KLHL1: variants seen among roughly 807,000 people sequenced by gnomAD.
The protein encoded by KLHL1 is kelch like family member 1, also known as kelch-like protein 1.
KLHL1 carries 47 observed loss-of-function variants against 77.7 expected under a neutral mutation model. The ratio of observed to expected loss-of-function variants is 0.60; its 90% CI spans 0.48 to 0.77. The LOEUF (loss-of-function observed/expected upper bound fraction) is 0.77. KLHL1 is among the 30% of genes least tolerant of loss of function. The pLI is 0.00. For synonymous variants in KLHL1, 360 were observed against 325.2 expected, an observed-to-expected ratio of 1.11 and a Z score of -1.15; for missense variants, 925 against 910.8, an observed-to-expected ratio of 1.02 and a Z score of -0.20.
At chr13:70,068,383 T>C (rs1441534521) in intron 1 of KLHL1, among the ~76,000 whole-genome samples, 2 of 151,070 alleles carry the variant, frequency 1.3e-5, no homozygotes, top group Non-Finnish European at 2.9e-5. Flanking sequence ...AAAAAAAGGA[T>C]TTTTAAAATT....
chr13:69,801,166 G>A (rs1877361313), intron 6 of KLHL1, among the ~76,000 whole-genome samples: 1 of 152,096 alleles, frequency 6.6e-6, no homozygotes, highest in South Asian at 2.1e-4. Flanking sequence ...GGGACTGCAG[G>A]CATGACAGAG....
intron 6 of KLHL1, among the ~76,000 whole-genome samples, chr13:69,802,757 G>C (rs904004510): frequency 1.3e-5 from 2 of 152,008 alleles, no homozygotes; most frequent in Middle Eastern, 3.4e-3. Flanking sequence ...CCCTTAAAAA[G>C]GACAGGAATT....
chr13:70,036,511 A>G (rs1044168066), intron 1 of KLHL1, among the ~76,000 whole-genome samples: 1 of 151,952 alleles, frequency 6.6e-6, no homozygotes, highest in Non-Finnish European at 1.5e-5. Context: ...TTTAGTACAC[A>G]TACGTATGTG....
At chr13:70,066,800 C>T (rs1028008760) in intron 1 of KLHL1, among the ~76,000 whole-genome samples, 3 of 152,164 alleles carry the variant, frequency 2.0e-5, no homozygotes, top group East Asian at 3.9e-4. Context: ...TAACCACAAT[C>T]CATCCATGTT....
At chr13:69,821,133 T>G (rs1878320082) in intron 6 of KLHL1, among the ~76,000 whole-genome samples, 1 of 152,102 alleles carries the variant, frequency 6.6e-6, no homozygotes, top group Admixed American at 6.6e-5. Context: ...TTCCAATCAT[T>G]ATAATGTACG....
intron 8 of KLHL1, among the ~76,000 whole-genome samples, chr13:69,720,289 G>C (rs1340970726): frequency 7.9e-6 from 1 of 126,674 alleles, no homozygotes; most frequent in East Asian, 2.0e-4. Flanking sequence ...TTTGAATACA[G>C]TTTAATCCTA....
intron 10 of KLHL1, among the ~76,000 whole-genome samples, chr13:69,703,556 A>G (rs938783931): frequency 1.3e-5 from 2 of 151,564 alleles, no homozygotes; most frequent in African/African-American, 4.8e-5. Context: ...TTAAGTCTGC[A>G]GTAGCATATA....
At chr13:70,015,490 A>C (rs1177829410) in intron 1 of KLHL1, among the ~76,000 whole-genome samples, 2 of 152,210 alleles carry the variant, frequency 1.3e-5, no homozygotes, top group African/African-American at 4.8e-5. Context: ...AGATGGTTTG[A>C]GTTAAAATTT....
intron 1 of KLHL1, among the ~76,000 whole-genome samples, chr13:70,058,451 G>T (rs1199802163): frequency 6.6e-6 from 1 of 151,906 alleles, no homozygotes; most frequent in Non-Finnish European, 1.5e-5. Flanking sequence ...ATCTGAAAAA[G>T]AAATAAAAAT....
intron 1 of KLHL1, among the ~76,000 whole-genome samples, chr13:70,077,811 A>C (rs1044484057): frequency 6.6e-6 from 1 of 152,092 alleles, no homozygotes; most frequent in African/African-American, 2.4e-5. Context: ...TATTATATAC[A>C]CAAAAAGTTA....
intron 4 of KLHL1, among the ~76,000 whole-genome samples, chr13:69,936,936 T>A (rs897122938): frequency 6.6e-6 from 1 of 152,188 alleles, no homozygotes; most frequent in Non-Finnish European, 1.5e-5. Flanking sequence ...CTTTTCCATT[T>A]ACCTACATAT....
chr13:70,024,244 A>C (rs1593682598), intron 1 of KLHL1, among the ~76,000 whole-genome samples: 1 of 152,064 alleles, frequency 6.6e-6, no homozygotes, highest in East Asian at 1.9e-4. Context: ...GACCCAGCTA[A>C]ATTAAATTGA....
intron 4 of KLHL1, among the ~76,000 whole-genome samples, chr13:69,903,423 G>A (rs1035704999): frequency 2.1e-4 from 32 of 152,020 alleles, no homozygotes; most frequent in African/African-American, 7.5e-4. Flanking sequence ...TCAGCACTTA[G>A]CAAGTTTGCA....
intron 9 of KLHL1, among the ~76,000 whole-genome samples, chr13:69,710,058 CT>C (rs937398487): frequency 4.2e-4 from 63 of 151,394 alleles, no homozygotes; most frequent in African/African-American, 1.4e-3. Context: ...CAAATATATA[CT>C]TTTTTATATC....
chr13:69,730,478 T>TATAA (rs145661784), intron 8 of KLHL1, among the ~76,000 whole-genome samples: 7,996 of 152,230 alleles, frequency 0.053, 360 homozygotes, highest in African/African-American at 0.12. Flanking sequence ...GACTGTTACT[T>TATAA]ATAGTGATTA....
chr13:69,965,644 G>C (rs1884191213), intron 2 of KLHL1, among the ~76,000 whole-genome samples: 1 of 152,202 alleles, frequency 6.6e-6, no homozygotes, highest in Non-Finnish European at 1.5e-5. Flanking sequence ...CATGTAGAAA[G>C]TGGAATGAGA....
chr13:69,821,410 G>A (rs183443318), intron 6 of KLHL1, among the ~76,000 whole-genome samples: 1 of 152,040 alleles, frequency 6.6e-6, no homozygotes, highest in Admixed American at 6.6e-5. Context: ...CACCTCCCAG[G>A]TTCAAGCAAT....
intron 4 of KLHL1, among the ~76,000 whole-genome samples, chr13:69,897,424 A>G (rs1160251667): frequency 6.6e-6 from 1 of 152,250 alleles, no homozygotes; most frequent in Non-Finnish European, 1.5e-5. Flanking sequence ...TCTACAATGC[A>G]ACAACTAATT....
intron 5 of KLHL1, among the ~76,000 whole-genome samples, chr13:69,859,445 G>A (rs1400056340): frequency 2.0e-5 from 3 of 151,924 alleles, no homozygotes; most frequent in Non-Finnish European, 4.4e-5. Flanking sequence ...GGCTGTAGTG[G>A]TGTCTTTTCA....
Sources: allele counts gnomAD v4.1 joint callset (sites outside exome capture counted in the v4.1 genomes callset), GRCh38; gene constraint gnomAD v4.1.1; transcripts MANE v1.5; gene names NCBI Gene and HGNC (gene_info 2026-07-23, HGNC 2026-07-21).